The following PRKCH variants were observed in gnomAD, a reference collection of about 807,000 sequenced individuals.
PRKCH encodes protein kinase C eta type.
Under a neutral mutation model 82.5 loss-of-function variants are expected in PRKCH, and 28 were observed. The ratio of observed to expected loss-of-function variants is 0.34; its 90% confidence interval spans 0.25 to 0.47. The LOEUF (loss-of-function observed/expected upper bound fraction) is 0.47. Among genes scored for constraint, PRKCH ranks in the 20% least tolerant of loss-of-function variants. PRKCH has a pLI of 1.00. For missense variants in PRKCH, 705 were observed against 881.8 expected (o/e 0.80, Z 2.54); for synonymous variants, 322 against 327.4 (o/e 0.98, Z 0.18).
chr14:61,457,531 C>T lies in PRKCH; in HGVS notation c.1130C>T (p.Thr377Ile). The stretch of plus-strand genomic sequence containing the variant: ...GTGATGCTTGCAAGAGTAAAAGAAA[C>T]AGGAGACCTCTATGCTGTGAAGGTG... ...GKVMLARVKE[T>I]GDLYAVKVLK... The change falls in exon 9 of 14, where the codon ACA becomes ATA. Residue 377 changes from threonine (T) to isoleucine (I), a missense_variant. Physicochemically the swap from Thr to Ile is moderately conservative, Grantham distance 89. Around this residue, in one of 5 missense-constraint regions of PRKCH, gnomAD observed 238 missense variants for 258.1 expected, o/e 0.92. Coordinates refer to ENST00000332981, the MANE Select transcript of PRKCH (RefSeq NM_006255.5). 1 of 1,614,082 alleles carries T rather than the reference C, an allele frequency of 6.2e-7. No homozygotes were observed. Among genetic ancestry groups the T allele is most frequent in the South Asian group, 1.1e-5 (1 of 91,074 alleles).
chr14:61,323,172 TG>T (rs2045652669), intron 1 of PRKCH, among the ~76,000 whole-genome samples: 4 of 152,208 alleles, frequency 2.6e-5, no homozygotes, highest in Admixed American at 2.6e-4. Context: ...GGTTGTTAAC[TG>T]TCTTCCCTCC....
intron 1 of PRKCH, among the ~76,000 whole-genome samples, chr14:61,310,265 A>T (rs2045512331): frequency 6.6e-6 from 1 of 152,212 alleles, no homozygotes; most frequent in African/African-American, 2.4e-5. Context: ...GTTTCATTTG[A>T]GACAAGGCAA....
At chr14:61,232,748 C>T (rs997431279) in intron 1 of PRKCH, among the ~76,000 whole-genome samples, 1 of 152,116 alleles carries the variant, frequency 6.6e-6, no homozygotes, top group Non-Finnish European at 1.5e-5. Context: ...AATCATTGAC[C>T]ATTGGTGATC....
chr14:61,230,492 A>G (rs970530118), intron 1 of PRKCH, among the ~76,000 whole-genome samples: 1 of 152,212 alleles, frequency 6.6e-6, no homozygotes, highest in South Asian at 2.1e-4. Context: ...CTCAAATGCA[A>G]TAATACCTGA....
chr14:61,198,502 G>A (rs1043121428), intron 1 of PRKCH, among the ~76,000 whole-genome samples: 6 of 152,004 alleles, frequency 3.9e-5, no homozygotes, highest in African/African-American at 9.7e-5. Context: ...TGACCTCTTC[G>A]TTCGTGACAT....
chr14:61,200,180 G>T (rs1215507851), intron 1 of PRKCH, among the ~76,000 whole-genome samples: 1 of 152,138 alleles, frequency 6.6e-6, no homozygotes, highest in East Asian at 1.9e-4. Context: ...GGAAGAGACA[G>T]ATGAAGAGAG....
chr14:61,294,152 G>A (rs1242615540), intron 1 of PRKCH, among the ~76,000 whole-genome samples: 11 of 151,528 alleles, frequency 7.3e-5, no homozygotes, highest in Non-Finnish European at 1.5e-4. Flanking sequence ...ACAGAGTCTC[G>A]CTCTGTCGCC....
At chr14:61,394,266 T>TA (rs56112718) in intron 2 of PRKCH, among the ~76,000 whole-genome samples, 162 of 150,418 alleles carry the variant, frequency 1.1e-3, no homozygotes, top group African/African-American at 3.8e-3. Flanking sequence ...ATACTTGACA[T>TA]AAAAAAAAAA....
At chr14:61,338,603 T>G (rs1240083290) in intron 1 of PRKCH, among the ~76,000 whole-genome samples, 2 of 152,172 alleles carry the variant, frequency 1.3e-5, no homozygotes, top group African/African-American at 4.8e-5. Flanking sequence ...GTCAGGAATG[T>G]ATTAATGACA....
At chr14:61,419,573 A>G (rs576619890) in intron 2 of PRKCH, among the ~76,000 whole-genome samples, 1 of 152,332 alleles carries the variant, frequency 6.6e-6, no homozygotes, top group East Asian at 1.9e-4. Context: ...GAATCAATGC[A>G]ATATAATCTA....
chr14:61,538,607 A>C (rs1335940353), intron 12 of PRKCH, among the ~76,000 whole-genome samples: 1 of 152,254 alleles, frequency 6.6e-6, no homozygotes, highest in Non-Finnish European at 1.5e-5. Flanking sequence ...CATCCCTGCC[A>C]GGAAGATAAA....
intron 10 of PRKCH, among the ~76,000 whole-genome samples, chr14:61,499,900 T>A (rs1594765810): frequency 7.5e-6 from 1 of 133,972 alleles, no homozygotes; most frequent in Admixed American, 7.4e-5. Flanking sequence ...AAAAAAAAAA[T>A]ACAGCTCTCT....
chr14:61,531,921 T>C (rs2043048159), intron 12 of PRKCH, among the ~76,000 whole-genome samples: 1 of 152,222 alleles, frequency 6.6e-6, no homozygotes, highest in Non-Finnish European at 1.5e-5. Flanking sequence ...ATTTGTGCCA[T>C]GAAGTTTCTT....
intron 7 of PRKCH, among the ~76,000 whole-genome samples, chr14:61,455,205 ATTT>A (rs10689613): frequency 1.4e-5 from 2 of 143,908 alleles, no homozygotes; most frequent in East Asian, 2.0e-4. Context: ...AATTTTTTGT[ATTT>A]TTTTTTTTTT....
In PRKCH at chr14:61,485,643, G is replaced by C; in HGVS notation, c.1420G>C (p.Gly474Arg). The stretch of plus-strand genomic sequence containing the variant: ...GGCTCTCATGTTCCTCCATGATAAA[G>C]GAATCATCTATAGGTGAGTTTTGGT... ...ISALMFLHDK[G>R]IIYRDLKLDN... Residue 474 changes from glycine to arginine, a missense_variant, in exon 10 of 14, where the codon GGA (glycine) becomes CGA (arginine). Coordinates refer to ENST00000332981, the MANE Select transcript of PRKCH (RefSeq NM_006255.5). 6.2e-7 allele frequency: 1 copy of C among 1,613,936 alleles called. No individual in the cohort carries two copies. The highest frequency in any genetic ancestry group is 8.5e-7 in the Non-Finnish European group (1 of 1,179,908).
intron 1 of PRKCH, chr14:61,306,438 C>T (rs1360365237): frequency 6.6e-6 from 1 of 152,232 alleles, no homozygotes; most frequent in African/African-American, 2.4e-5. Flanking sequence ...TTCAGCTCAG[C>T]AAGACTTCCA....
At chr14:61,542,323 G>A (rs929796994) in intron 12 of PRKCH, among the ~76,000 whole-genome samples, 5 of 149,792 alleles carry the variant, frequency 3.3e-5, no homozygotes, top group African/African-American at 1.2e-4. Flanking sequence ...AAAAACTATT[G>A]TTTGTATTCT....
At chr14:61,392,112 A>C (rs2046692265) in intron 2 of PRKCH, among the ~76,000 whole-genome samples, 1 of 151,672 alleles carries the variant, frequency 6.6e-6, no homozygotes, top group African/African-American at 2.4e-5. Flanking sequence ...TCTGAGTAGT[A>C]GTATCCCATT....
rs1237898132 is a variant in PRKCH at position 61,316,056 on chromosome 14, G to GT, written c.-19+128395dup. Among the ~76,000 whole-genome samples, 5 of 152,020 alleles carry GT rather than the reference G, an allele frequency of 3.3e-5. No individual in the cohort carries two copies. The East Asian group carries it at 7.7e-4, about 23-fold the overall frequency. ...AGCCACTGCGCCCAGCCTATTTACT[G>GT]TTTTTTTCTATGTTGTTTATCATAT... On this transcript the variant is annotated intron_variant, in intron 1 of 3. Transcript: ENST00000555185.
Sources: allele counts gnomAD v4.1 joint callset (sites outside exome capture counted in the v4.1 genomes callset), GRCh38; gene constraint gnomAD v4.1.1; regional missense constraint gnomAD v4.1.1; transcripts MANE v1.5; gene names NCBI Gene and HGNC (gene_info 2026-07-23, HGNC 2026-07-21).